PTPRD: variants seen among roughly 807,000 people sequenced by gnomAD.
The protein encoded by PTPRD is protein tyrosine phosphatase receptor type D.
A neutral mutation model predicts 214.5 loss-of-function variants in PTPRD; 34 were observed. That is an observed-to-expected ratio of 0.16 (90% CI 0.12 to 0.21). PTPRD has a LOEUF of 0.21. PTPRD is among the 10% of genes least tolerant of loss of function. The pLI is 1.00. For synonymous variants in PTPRD, 1,128 were observed against 845.7 expected (o/e 1.33, Z -5.79); for missense variants, 2,545 against 2,398.7 (o/e 1.06, Z -1.27).
chr9:8,829,247 T>G (rs2097236486), intron 11 of PTPRD, among the ~76,000 whole-genome samples: 1 of 152,124 alleles, frequency 6.6e-6, no homozygotes, highest in African/African-American at 2.4e-5. Flanking sequence ...CCAGAAAGCT[T>G]GTTCATGTCC....
chr9:9,601,710 G>A (rs922510761), intron 7 of PTPRD, among the ~76,000 whole-genome samples: 6 of 152,046 alleles, frequency 3.9e-5, no homozygotes, highest in Non-Finnish European at 7.4e-5. Context: ...TATAAGAACT[G>A]TTCTAGATGT....
chr9:10,063,656 A>G (rs1313017631), intron 3 of PTPRD, among the ~76,000 whole-genome samples: 2 of 152,044 alleles, frequency 1.3e-5, no homozygotes, highest in African/African-American at 4.8e-5. Context: ...CTTGATTACA[A>G]ATATACACAA....
chr9:9,852,922 G>A lies in PTPRD; in HGVS notation c.-368+85585C>T, dbSNP rs1447430106. ...CTCTTGATCTGTGCACTATACCTGA[G>A]TGAATCAGCTGGATATCTAATGGTG... On this transcript the variant is annotated intron_variant, in intron 5 of 45. Coordinates refer to ENST00000381196, the MANE Select transcript of PTPRD (RefSeq NM_002839.4). 5.9e-5 allele frequency among the ~76,000 whole-genome samples: 9 copies of A among 152,240 alleles called. No homozygotes were observed. In the East Asian group the frequency reaches 1.7e-3, roughly 29 times the overall value.
At chr9:9,854,469 A>T (rs1178146140) in intron 5 of PTPRD, among the ~76,000 whole-genome samples, 1 of 152,030 alleles carries the variant, frequency 6.6e-6, no homozygotes, top group Non-Finnish European at 1.5e-5. Flanking sequence ...AACTTACAAG[A>T]TTCCCAAGAA....
At chr9:9,897,002 C>T (rs1195694271) in intron 5 of PTPRD, among the ~76,000 whole-genome samples, 1 of 151,972 alleles carries the variant, frequency 6.6e-6, no homozygotes, top group Non-Finnish European at 1.5e-5. Flanking sequence ...TCAATGGAGG[C>T]AATGATGGTA....
At chr9:8,641,153 T>G (rs758478842) in intron 12 of PTPRD, among the ~76,000 whole-genome samples, 1 of 148,362 alleles carries the variant, frequency 6.7e-6, no homozygotes. Flanking sequence ...TAAGCCATGC[T>G]CTGAAGATGG....
chr9:8,625,099 A>C (rs145530219), intron 14 of PTPRD, among the ~76,000 whole-genome samples: 6 of 151,916 alleles, frequency 3.9e-5, no homozygotes, highest in Non-Finnish European at 8.8e-5. Flanking sequence ...TACACAAAGG[A>C]AGAGGTATAC....
Position 9,770,712 on chromosome 9 carries a change from T to G in PTPRD, c.-367-3861A>C, listed in dbSNP as rs180992788. On this transcript the variant is annotated intron_variant, in intron 5 of 45. Transcript: ENST00000381196. ...AAAACAGGCCATGTTTGTTTGTTGA[T>G]TGCTTCCAAGTATATTCACTGCACA... Among the ~76,000 whole-genome samples, 730 of 152,256 alleles carry G rather than the reference T, an allele frequency of 4.8e-3. 1 individual carries two copies. Among genetic ancestry groups the G allele is most frequent in the Non-Finnish European group, 7.6e-3 (515 of 68,000 alleles).
At position 10,185,275 on chromosome 9, in the gene PTPRD, T is replaced by G. The variant is rs111346682; in HGVS notation, c.-544-151485A>C. On this transcript the variant is annotated intron_variant, in intron 3 of 45. Coordinates refer to ENST00000381196, the MANE Select transcript of PTPRD (RefSeq NM_002839.4). ...CGGGTTTTCAACTACCAGGATATAT[T>G]TGAGGCCAAGAGAAGAAAATAAAAG... is the stretch of plus-strand genomic sequence containing the variant. Among the ~76,000 whole-genome samples, 5 of 152,238 alleles carry G rather than the reference T, an allele frequency of 3.3e-5. 1 individual carries two copies. Among genetic ancestry groups the G allele is most frequent in the African/African-American group, 1.2e-4 (5 of 41,550 alleles).
At chr9:8,954,448 A>G (rs2099120582) in intron 11 of PTPRD, among the ~76,000 whole-genome samples, 1 of 152,020 alleles carries the variant, frequency 6.6e-6, no homozygotes, top group Non-Finnish European at 1.5e-5. Context: ...GCATCACAAA[A>G]TATACCTTTG....
intron 3 of PTPRD, among the ~76,000 whole-genome samples, chr9:10,325,520 G>C (rs1213750027): frequency 6.6e-6 from 1 of 151,840 alleles, no homozygotes; most frequent in African/African-American, 2.4e-5. Flanking sequence ...GAAAGAGAAA[G>C]TAATAATGAG....
intron 14 of PTPRD, among the ~76,000 whole-genome samples, chr9:8,631,460 T>C (rs772299634): frequency 1.3e-5 from 2 of 151,810 alleles, no homozygotes; most frequent in Non-Finnish European, 2.9e-5. Context: ...CCCATCTGGG[T>C]ATGAACAACC....
chr9:9,223,711 A>G (rs1226068988), intron 9 of PTPRD, among the ~76,000 whole-genome samples: 2 of 152,022 alleles, frequency 1.3e-5, no homozygotes, highest in South Asian at 2.1e-4. Context: ...TAAAACCAAC[A>G]CATTATCAGG....
intron 3 of PTPRD, among the ~76,000 whole-genome samples, chr9:10,241,749 T>C (rs1372255917): frequency 6.6e-6 from 1 of 151,924 alleles, no homozygotes; most frequent in Non-Finnish European, 1.5e-5. Context: ...GATGGATCTG[T>C]TTATTATTTT....
chr9:8,334,847 C>T (rs199906059), intron 43 of PTPRD, among the ~76,000 whole-genome samples: 17,872 of 131,796 alleles, frequency 0.14, 5 homozygotes, highest in East Asian at 0.3. Context: ...TGATCCCACA[C>T]AAATACAAAC....
intron 11 of PTPRD, among the ~76,000 whole-genome samples, chr9:8,887,055 T>G (rs1055241910): frequency 6.6e-6 from 1 of 152,218 alleles, no homozygotes; most frequent in Non-Finnish European, 1.5e-5. Context: ...TGAAGTGACT[T>G]TCTTATCCCC....
At position 9,678,304 on chromosome 9, in the gene PTPRD, C is replaced by G. The variant is rs1162587780; in HGVS notation, c.-287+56229G>C. ...GAAGAAAGCTGGAGGCATCATGCTA[C>G]CTGACTTCAAACTATACTACAAGGC... On this transcript the variant is annotated intron_variant, in intron 7 of 45. Transcript: ENST00000381196. Among the ~76,000 whole-genome samples the G allele has an allele frequency of 2.6e-5, 4 of 152,052 alleles. No homozygotes were observed. The East Asian group carries it at 7.7e-4, about 29-fold the overall frequency.
intron 9 of PTPRD, among the ~76,000 whole-genome samples, chr9:9,325,589 T>C (rs1485626923): frequency 6.6e-6 from 1 of 152,200 alleles, no homozygotes; most frequent in African/African-American, 2.4e-5. Flanking sequence ...AAGGAGATTT[T>C]GGGCTGAGAC....
intron 3 of PTPRD, among the ~76,000 whole-genome samples, chr9:10,245,430 A>G (rs1354887104): frequency 1.3e-5 from 2 of 152,184 alleles, no homozygotes; most frequent in Admixed American, 6.6e-5. Context: ...TATTTTCAAC[A>G]AAATGACTCC....
Sources: gnomAD v4.1 joint callset for allele counts (sites outside exome capture counted in the v4.1 genomes callset) on GRCh38, gnomAD v4.1.1 for gene constraint, MANE v1.5 for transcripts, NCBI Gene and HGNC (gene_info 2026-07-23, HGNC 2026-07-21) for gene names.